The following LRRC7 variants were observed in gnomAD, a reference collection of about 807,000 sequenced individuals.
LRRC7 encodes leucine rich repeat containing 7, also known as leucine-rich repeat-containing protein 7.
Under a neutral mutation model 175.7 loss-of-function variants are expected in LRRC7, and 23 were observed. The ratio of observed to expected loss-of-function variants is 0.13; its 90% CI spans 0.09 to 0.19. LRRC7 has a LOEUF of 0.19. LRRC7 is among the 10% of genes least tolerant of loss of function. The probability of loss-of-function intolerance (pLI) is 1.00; values close to 1 mark genes in which losing one functional copy is unlikely to be tolerated. For synonymous variants in LRRC7, 685 were observed against 680.9 expected (o/e 1.01, Z -0.09); for missense variants, 1,354 against 1,904.7 (o/e 0.71, Z 5.38).
chr1:70,082,735 A>C (rs778222640), intron 24 of LRRC7, among the ~76,000 whole-genome samples: 27 of 140,160 alleles, frequency 1.9e-4, no homozygotes, highest in Non-Finnish European at 3.5e-4. Flanking sequence ...AAGACCTAGA[A>C]AGTGCTACAT....
intron 17 of LRRC7, among the ~76,000 whole-genome samples, chr1:70,026,999 A>G (rs80331067): frequency 0.081 from 12,336 of 152,116 alleles, 612 homozygotes; most frequent in South Asian, 0.13. Context: ...CATGAATTAC[A>G]TGGGTGTGTG....
chr1:69,804,387 G>A (rs1570007252), intron 4 of LRRC7, among the ~76,000 whole-genome samples: 1 of 151,380 alleles, frequency 6.6e-6, no homozygotes, highest in East Asian at 1.9e-4. Flanking sequence ...GGAACATTGA[G>A]AGTACCCAAT....
At chr1:69,832,525 C>T (rs1680644311) in intron 5 of LRRC7, among the ~76,000 whole-genome samples, 1 of 152,040 alleles carries the variant, frequency 6.6e-6, no homozygotes, top group African/African-American at 2.4e-5. Context: ...TGCTAATAAA[C>T]TTTTATTCCT....
intron 7 of LRRC7, among the ~76,000 whole-genome samples, chr1:69,897,681 A>T (rs12740623): frequency 0.43 from 62,418 of 144,800 alleles, 13,592 homozygotes; most frequent in East Asian, 0.62. Flanking sequence ...AAAGGTTTAT[A>T]AAAAAAAATG....
chr1:69,709,180 T>C (rs564186100), intron 2 of LRRC7, among the ~76,000 whole-genome samples: 1 of 152,296 alleles, frequency 6.6e-6, no homozygotes, highest in African/African-American at 2.4e-5. Flanking sequence ...ACTCCAAAAT[T>C]AAACTCCAAA....
intron 7 of LRRC7, among the ~76,000 whole-genome samples, chr1:69,910,456 C>T (rs1646487536): frequency 6.6e-6 from 1 of 152,178 alleles, no homozygotes; most frequent in East Asian, 1.9e-4. Context: ...CCACTCCAGA[C>T]CCTGTTTGCC....
intron 2 of LRRC7, among the ~76,000 whole-genome samples, chr1:69,699,928 G>C (rs1038913196): frequency 6.6e-6 from 1 of 152,326 alleles, no homozygotes; most frequent in Admixed American, 6.5e-5. Flanking sequence ...CCAGCTGGCT[G>C]AGGGGTCCTA....
rs908127196 is a variant in LRRC7, at chr1:69,859,687, C to T, written c.647+21404C>T. The stretch of plus-strand genomic sequence containing the variant: ...CTTAGCTAAATTGTATAAATTTAAA[C>T]GTTAACCTTTCTGTAAAGGTAATGC... On this transcript the variant is annotated intron_variant, in intron 7 of 26. Transcript: ENST00000651989. Among the ~76,000 whole-genome samples the T allele has an allele frequency of 3.3e-4, 50 of 151,758 alleles. 2 individuals are homozygous for T. The highest frequency in any genetic ancestry group is 1.9e-4 in the East Asian group (1 of 5,176).
intron 18 of LRRC7, among the ~76,000 whole-genome samples, chr1:70,031,715 T>C (rs1332593272): frequency 6.6e-6 from 1 of 152,190 alleles, no homozygotes; most frequent in Non-Finnish European, 1.5e-5. Context: ...TTAATTTCTG[T>C]TTATCATTGA....
intron 3 of LRRC7, among the ~76,000 whole-genome samples, chr1:69,783,072 AT>A (rs1673956848): frequency 6.6e-6 from 1 of 152,210 alleles, no homozygotes; most frequent in Non-Finnish European, 1.5e-5. Context: ...ACAGCTTACA[AT>A]ACAGCCACTT....
At chr1:69,812,915 CTG>C (rs1354873680) in intron 4 of LRRC7, among the ~76,000 whole-genome samples, 4 of 152,090 alleles carry the variant, frequency 2.6e-5, no homozygotes, top group African/African-American at 7.2e-5. Context: ...TGATGCGAAA[CTG>C]TAACTAGATG....
chr1:70,078,144 A>G (rs919775958), intron 24 of LRRC7, among the ~76,000 whole-genome samples: 2 of 152,192 alleles, frequency 1.3e-5, no homozygotes, highest in African/African-American at 2.4e-5. Context: ...CCTTGACTTG[A>G]TTACACGTTC....
At chr1:69,660,138 T>C (rs757598720) in intron 1 of LRRC7, among the ~76,000 whole-genome samples, 2 of 151,992 alleles carry the variant, frequency 1.3e-5, no homozygotes, top group Non-Finnish European at 2.9e-5. Context: ...CAATTAATAC[T>C]CATGAGGGGT....
At chr1:69,684,389 G>GGAAGGAAAGAAAGGCA (rs1660865421) in intron 2 of LRRC7, among the ~76,000 whole-genome samples, 2 of 151,660 alleles carry the variant, frequency 1.3e-5, no homozygotes, top group African/African-American at 2.4e-5. Flanking sequence ...AGGAGTAAAA[G>GGAAGGAAAGAAAGGCA]GAAGGAAAGA....
At chr1:69,753,080 T>TATATTATATGTG (rs1241931015) in intron 2 of LRRC7, among the ~76,000 whole-genome samples, 1 of 152,098 alleles carries the variant, frequency 6.6e-6, no homozygotes, top group Non-Finnish European at 1.5e-5. Flanking sequence ...GGATATGTAC[T>TATATTATATGTG]TCCATATATT....
intron 7 of LRRC7, among the ~76,000 whole-genome samples, chr1:69,926,164 G>C (rs2101752689): frequency 6.8e-6 from 1 of 148,140 alleles, no homozygotes; most frequent in Non-Finnish European, 1.5e-5. Flanking sequence ...TGGTCTGAGA[G>C]ACAGTTTGTT....
At chr1:69,682,661 A>T (rs535581832) in intron 2 of LRRC7, among the ~76,000 whole-genome samples, 1 of 152,142 alleles carries the variant, frequency 6.6e-6, no homozygotes, top group South Asian at 2.1e-4. Context: ...GGGACTTACC[A>T]TCTACCAAAT....
intron 4 of LRRC7, among the ~76,000 whole-genome samples, chr1:69,812,908 T>C (rs1214845767): frequency 2.0e-5 from 3 of 152,130 alleles, no homozygotes; most frequent in African/African-American, 2.4e-5. Context: ...AAGCTATTGA[T>C]GCGAAACTGT....
rs989775584 is a variant in LRRC7 at position 70,124,793 on chromosome 1, C to G, written c.*2906C>G. Among the ~76,000 whole-genome samples the G allele has an allele frequency of 6.6e-6, 1 of 151,228 alleles. No homozygotes were observed. The highest frequency in any genetic ancestry group is 2.4e-5 in the African/African-American group (1 of 41,218). On this transcript the variant is annotated 3_prime_UTR_variant, in exon 27 of 27. Transcript: ENST00000651989. ...GAAAAATCAATAACAACAAAAAGAA[C>G]TGGAATTCATGATGGCTCCAGTAGA...
Sources: gnomAD v4.1 joint callset for allele counts (sites outside exome capture counted in the v4.1 genomes callset) on GRCh38, gnomAD v4.1.1 for gene constraint, MANE v1.5 for transcripts, NCBI Gene and HGNC (gene_info 2026-07-23, HGNC 2026-07-21) for gene names.